PDGFD: variants seen among roughly 807,000 people sequenced by gnomAD.
PDGFD encodes platelet derived growth factor D, also known as platelet-derived growth factor D.
Under a neutral mutation model 44.7 loss-of-function variants are expected in PDGFD, and 30 were observed. The observed-to-expected ratio is 0.67, with a 90% CI of 0.50 to 0.91. The LOEUF (loss-of-function observed/expected upper bound fraction) is 0.91, where lower values mean the gene tolerates loss of function less well. Ranked by LOEUF, PDGFD falls within the 40% of genes least tolerant of loss-of-function variation. PDGFD has a pLI of 0.00. For missense variants in PDGFD, 445 were observed against 457.8 expected, an observed-to-expected ratio of 0.97 and a Z score of 0.25; for synonymous variants, 173 against 168.4, an observed-to-expected ratio of 1.03 and a Z score of -0.21.
intron 5 of PDGFD, 139 bp from the exon 6 acceptor site, chr11:103,927,265 T>C: frequency 2.8e-6 from 2 of 714,178 alleles, no homozygotes; most frequent in East Asian, 5.4e-5. Flanking sequence ...AGGCTCTCAA[T>C]TACTGGGAAC....
chr11:103,924,940 T>A (rs1858281453), intron 6 of PDGFD, among the ~76,000 whole-genome samples: 1 of 152,144 alleles, frequency 6.6e-6, no homozygotes, highest in African/African-American at 2.4e-5. Context: ...ATTAGGTATT[T>A]CTCCTAATGC....
At chr11:104,028,683 C>T (rs1051752087) in intron 1 of PDGFD, among the ~76,000 whole-genome samples, 2 of 148,976 alleles carry the variant, frequency 1.3e-5, no homozygotes, top group African/African-American at 2.5e-5. Flanking sequence ...GGGGCCACCA[C>T]AACCCTGCAT....
chr11:104,096,712 T>G (rs781367209), intron 1 of PDGFD, among the ~76,000 whole-genome samples: 6 of 152,160 alleles, frequency 3.9e-5, no homozygotes, highest in African/African-American at 7.2e-5. Context: ...ATTTGATAAC[T>G]TGGACAACAA....
intron 3 of PDGFD, among the ~76,000 whole-genome samples, chr11:103,972,808 G>A (rs1362938520): frequency 1.1e-4 from 16 of 152,108 alleles, no homozygotes; most frequent in Non-Finnish European, 1.5e-5. Context: ...AGGCTACAAC[G>A]TTCTCAACTG....
intron 1 of PDGFD, among the ~76,000 whole-genome samples, chr11:104,102,542 T>G (rs1024119442): frequency 1.3e-5 from 2 of 152,152 alleles, no homozygotes; most frequent in African/African-American, 4.8e-5. Flanking sequence ...GATCTAGAAC[T>G]AGAAATACCA....
intron 3 of PDGFD, among the ~76,000 whole-genome samples, chr11:103,991,939 C>G (rs60119343): frequency 1.3e-5 from 2 of 152,046 alleles, no homozygotes; most frequent in African/African-American, 4.8e-5. Context: ...CACCATCTAC[C>G]GGGGGGAGCC....
chr11:104,137,361 C>T (rs1049337249), intron 1 of PDGFD, among the ~76,000 whole-genome samples: 7 of 147,444 alleles, frequency 4.7e-5, no homozygotes, highest in Non-Finnish European at 1.5e-5. Context: ...GAAACAGAGA[C>T]TTAAACAGAA....
chr11:104,101,670 C>A (rs1416176237), intron 1 of PDGFD, among the ~76,000 whole-genome samples: 1 of 152,130 alleles, frequency 6.6e-6, no homozygotes, highest in Admixed American at 6.6e-5. Flanking sequence ...TACCTGACTT[C>A]AAACTATACT....
At chr11:104,025,044 C>G (rs1860022075) in intron 1 of PDGFD, among the ~76,000 whole-genome samples, 1 of 152,216 alleles carries the variant, frequency 6.6e-6, no homozygotes, top group African/African-American at 2.4e-5. Context: ...TGTAAAGAAA[C>G]TTTTGCACAG....
chr11:103,978,488 T>A (rs1209742531), intron 3 of PDGFD, among the ~76,000 whole-genome samples: 1 of 152,060 alleles, frequency 6.6e-6, no homozygotes, highest in African/African-American at 2.4e-5. Context: ...GACTTAAATA[T>A]GTTTATATTG....
intron 1 of PDGFD, among the ~76,000 whole-genome samples, chr11:104,030,506 G>C (rs1860108125): frequency 6.6e-6 from 1 of 152,134 alleles, no homozygotes; most frequent in African/African-American, 2.4e-5. Flanking sequence ...ATGAAATAAA[G>C]ACTACCTCTT....
chr11:103,916,510 C>G (rs1858128187), intron 6 of PDGFD, among the ~76,000 whole-genome samples: 1 of 152,164 alleles, frequency 6.6e-6, no homozygotes, highest in Non-Finnish European at 1.5e-5. Flanking sequence ...TTAGTTCAAC[C>G]ATTGTGGAAG....
At chr11:104,051,525 C>T (rs1356835508) in intron 1 of PDGFD, among the ~76,000 whole-genome samples, 1 of 152,002 alleles carries the variant, frequency 6.6e-6, no homozygotes, top group African/African-American at 2.4e-5. Flanking sequence ...CCCAGAATTA[C>T]TTAAATATAA....
Position 104,109,773 on chromosome 11 carries a change from T to TA in PDGFD, c.124+54030dup, listed in dbSNP as rs1190209524. Among the ~76,000 whole-genome samples the TA allele has an allele frequency of 5.8e-3, 873 of 149,340 alleles. 8 individuals carry two copies. The highest frequency in any genetic ancestry group is 0.02 in the African/African-American group (805 of 40,842). On this transcript the variant is annotated intron_variant, in intron 1 of 6. Transcript: ENST00000393158. The stretch of plus-strand genomic sequence containing the variant: ...AACTATCTAAGATACATCATTAAGT[T>TA]AAAAAAAAAAGAATGTTGCAAAGTA...
At chr11:104,010,950 C>T (rs1381473943) in intron 1 of PDGFD, among the ~76,000 whole-genome samples, 2 of 151,984 alleles carry the variant, frequency 1.3e-5, no homozygotes, top group Non-Finnish European at 2.9e-5. Flanking sequence ...TCTGCTTTAA[C>T]CACTGCCAAC....
Position 104,037,612 on chromosome 11 carries a change from C to T in PDGFD, c.125-37357G>A, listed in dbSNP as rs746228101. On this transcript the variant is annotated intron_variant, in intron 1 of 6. Transcript: ENST00000393158. Reference sequence around the variant, plus strand: ...GAAGGCTTTTGTTGACTCGGGCGCCCAGATGACCATTATGAGCCAGGCTTG... The same window carrying T: ...GAAGGCTTTTGTTGACTCGGGCGCCTAGATGACCATTATGAGCCAGGCTTG... 4 of 1,614,004 alleles carry T rather than the reference C, an allele frequency of 2.5e-6. No individual in the cohort carries two copies. The African/African-American group carries it at 5.3e-5, about 22-fold the overall frequency.
intron 1 of PDGFD, among the ~76,000 whole-genome samples, chr11:104,041,247 G>C (rs115025135): frequency 0.013 from 1,933 of 152,104 alleles, 34 homozygotes; most frequent in African/African-American, 0.044. Context: ...ACCTTGTGGG[G>C]GTAGAAGACA....
intron 1 of PDGFD, among the ~76,000 whole-genome samples, chr11:104,101,781 CA>C (rs1861385943): frequency 6.6e-6 from 1 of 151,894 alleles, no homozygotes; most frequent in Admixed American, 6.6e-5. Flanking sequence ...CGCATATCTA[CA>C]ACTATCTGAT....
chr11:104,053,217 A>C (rs1450537036), intron 1 of PDGFD, among the ~76,000 whole-genome samples: 2 of 152,272 alleles, frequency 1.3e-5, no homozygotes, highest in East Asian at 1.9e-4. Flanking sequence ...ATATCACAAG[A>C]GTTTTTAGAG....
Sources: allele counts gnomAD v4.1 joint callset (sites outside exome capture counted in the v4.1 genomes callset), GRCh38; gene constraint gnomAD v4.1.1; transcripts MANE v1.5; gene names NCBI Gene and HGNC (gene_info 2026-07-23, HGNC 2026-07-21).